RNF14: variants seen among roughly 807,000 people sequenced by gnomAD.
RNF14 encodes the protein ring finger protein 14, also known as E3 ubiquitin-protein ligase RNF14.
A neutral mutation model predicts 52.6 loss-of-function variants in RNF14; 26 were observed. The ratio of observed to expected loss-of-function variants is 0.49; its 90% confidence interval spans 0.36 to 0.69. The LOEUF (loss-of-function observed/expected upper bound fraction) is 0.69. Among genes scored for constraint, RNF14 ranks in the 30% least tolerant of loss-of-function variants. The probability of loss-of-function intolerance (pLI) is 0.00; values close to 1 mark genes in which losing one functional copy is unlikely to be tolerated. For missense variants in RNF14, 404 were observed against 560.4 expected (o/e 0.72, Z 2.82); for synonymous variants, 194 against 202.0 (o/e 0.96, Z 0.34).
chr5:141,983,083 C>G (rs1171548739), intron 6 of RNF14, among the ~76,000 whole-genome samples: 1 of 152,060 alleles, frequency 6.6e-6, no homozygotes, highest in Non-Finnish European at 1.5e-5. Flanking sequence ...CATAAATATA[C>G]TTTTTTTCTG....
chr5:141,957,051 G>T (rs748043680), upstream of RNF14: 1 of 1,614,132 alleles, frequency 6.2e-7, no homozygotes, highest in South Asian at 1.1e-5. This position sits in a 1 kb window ranked among gnomAD's most constrained non-coding sequence, Gnocchi z 4.3. Context: ...GGTCTGTGGC[G>T]GTCAGTTTTA....
intron 6 of RNF14, among the ~76,000 whole-genome samples, chr5:141,981,982 A>G (rs187241468): frequency 3.4e-4 from 51 of 152,212 alleles, no homozygotes; most frequent in African/African-American, 1.2e-3. Flanking sequence ...GTGGGTAGAT[A>G]ATTTCAGTTG....
At chr5:141,951,987 C>A in the RNF14 span, among the ~76,000 whole-genome samples, 2 of 152,336 alleles carry the variant, frequency 1.3e-5, no homozygotes, top group East Asian at 1.9e-4. Flanking sequence ...TTTGGACATT[C>A]GGCCAATTTT....
chr5:141,954,699 G>T (rs1012794998), upstream of RNF14, among the ~76,000 whole-genome samples: 3 of 152,100 alleles, frequency 2.0e-5, no homozygotes, highest in Non-Finnish European at 4.4e-5. Flanking sequence ...AAATCCTCTG[G>T]ACAACTCTAC....
chr5:141,955,527 G>T, upstream of RNF14: 1 of 1,614,142 alleles, frequency 6.2e-7, no homozygotes, highest in Non-Finnish European at 8.5e-7. The surrounding 1 kb of genome is among the most constrained non-coding windows in gnomAD (Gnocchi z 5.5). Context: ...GCACGAGGTG[G>T]ATGTCTGCCT....
At chr5:141,968,647 T>C (rs1413255490), upstream of RNF14, among the ~76,000 whole-genome samples, 2 of 152,174 alleles carry the variant, frequency 1.3e-5, no homozygotes, top group African/African-American at 4.8e-5. Flanking sequence ...CGTAGAGCAT[T>C]TATCACACTG....
chr5:141,976,303 A>G (rs576602128), intron 4 of RNF14, among the ~76,000 whole-genome samples: 11 of 152,264 alleles, frequency 7.2e-5, no homozygotes, highest in Admixed American at 3.9e-4. Context: ...ACATCCACGC[A>G]TGTGCGTGCA....
At position 141,978,063 on chromosome 5, in the gene RNF14, G is replaced by A. The variant is rs192243; in HGVS notation, c.307-240G>A. Among the ~76,000 whole-genome samples the A allele has an allele frequency of 0.84, 128,031 of 152,174 alleles. 53,994 individuals carry two copies. The highest frequency in any genetic ancestry group is 0.98 in the East Asian group (5,094 of 5,188). ...GAGTCTTGCTATTTCTCTTCTTCTCGTGGTACTTCTTGCTTCTGACTTTAT... is the reference window on the plus strand; with the variant it reads ...GAGTCTTGCTATTTCTCTTCTTCTCATGGTACTTCTTGCTTCTGACTTTAT... On this transcript the variant is annotated intron_variant, in intron 4 of 8. Coordinates refer to ENST00000394520, the MANE Select transcript of RNF14 (RefSeq NM_004290.5).
upstream of RNF14, chr5:141,956,184 C>T: frequency 6.2e-7 from 1 of 1,614,192 alleles, no homozygotes. Context: ...CATTGGCATC[C>T]AAGAGGCTGA....
chr5:141,974,518 G>C (rs1048368627), intron 3 of RNF14, among the ~76,000 whole-genome samples: 1 of 152,202 alleles, frequency 6.6e-6, no homozygotes, highest in African/African-American at 2.4e-5. Context: ...CAAACATTGT[G>C]TGTTCCTTGG....
chr5:141,971,570 TCTTTCTTTCTTTCTTTCTTTCTTTC>T (rs1753762639), intron 2 of RNF14, among the ~76,000 whole-genome samples: 10 of 137,816 alleles, frequency 7.3e-5, no homozygotes, highest in Admixed American at 1.5e-4. Flanking sequence ...TCTTTTTCTT[TCTTTCTTTCTTTCTTTCTTTCTTTC>T]TTTCTTTCTT....
chr5:141,955,238 T>C (rs1457583115), upstream of RNF14: 1 of 1,614,202 alleles, frequency 6.2e-7, no homozygotes, highest in Non-Finnish European at 8.5e-7. This position sits in a 1 kb window ranked among gnomAD's most constrained non-coding sequence, Gnocchi z 5.5. Flanking sequence ...GGCTGGCCTG[T>C]GGCAGGCTGG....
upstream of RNF14, among the ~76,000 whole-genome samples, chr5:141,966,101 T>C (rs1421022498): frequency 2.6e-5 from 4 of 151,694 alleles, no homozygotes; most frequent in African/African-American, 9.7e-5. Flanking sequence ...GGCAACATGG[T>C]GAAACCCCAT....
chr5:141,987,652 C>A, intron 8 of RNF14, 81 bp from the exon 9 acceptor site: 2 of 1,355,952 alleles, frequency 1.5e-6, no homozygotes, highest in Non-Finnish European at 1.1e-6. Flanking sequence ...TATAAGAGTA[C>A]AAAAAATATT....
At chr5:141,980,021 T>G in intron 5 of RNF14, 102 bp from the exon 6 acceptor site, 1 of 871,542 alleles carries the variant, frequency 1.1e-6, no homozygotes, top group East Asian at 2.4e-5. Context: ...GAGGTTTTAA[T>G]TTATGTGCCC....
At chr5:141,964,687 C>T (rs751217549), upstream of RNF14, among the ~76,000 whole-genome samples, 25 of 152,172 alleles carry the variant, frequency 1.6e-4, no homozygotes, top group Middle Eastern at 6.8e-3. Context: ...GATCTGGGCT[C>T]ACCGCAACCT....
upstream of RNF14, chr5:141,957,290 G>A: frequency 2.5e-6 from 4 of 1,613,576 alleles, no homozygotes; most frequent in Non-Finnish European, 3.4e-6. The surrounding 1 kb of genome is among the most constrained non-coding windows in gnomAD (Gnocchi z 4.3). Flanking sequence ...GTCTCATCAG[G>A]GCCCACAATG....
upstream of RNF14, among the ~76,000 whole-genome samples, chr5:141,968,350 C>T (rs978030623): frequency 5.9e-5 from 9 of 152,260 alleles, no homozygotes; most frequent in Non-Finnish European, 1.0e-4. Flanking sequence ...CGTGATCCAC[C>T]CGCCTCGGCT....
At chr5:141,956,600 G>C, upstream of RNF14, 1 of 1,614,248 alleles carries the variant, frequency 6.2e-7, no homozygotes, top group East Asian at 2.2e-5. Flanking sequence ...TCTCTGTCCA[G>C]TGTGGCATTG....
Sources: allele counts gnomAD v4.1 joint callset (sites outside exome capture counted in the v4.1 genomes callset), GRCh38; gene constraint gnomAD v4.1.1; non-coding constraint Gnocchi (gnomAD v3.1); transcripts MANE v1.5; gene names NCBI Gene and HGNC (gene_info 2026-07-23, HGNC 2026-07-21).